Variants in L3MBTL3 observed in about 807,000 individuals in gnomAD.
L3MBTL3 encodes the protein L3MBTL histone methyl-lysine binding protein 3, also known as lethal(3)malignant brain tumor-like protein 3.
Under a neutral mutation model 102.3 loss-of-function variants are expected in L3MBTL3, and 27 were observed. The observed-to-expected ratio is 0.26, with a 90% confidence interval of 0.19 to 0.36. The LOEUF (loss-of-function observed/expected upper bound fraction) is 0.36, where lower values mean the gene tolerates loss of function less well. Among genes scored for constraint, L3MBTL3 ranks in the 10% least tolerant of loss-of-function variants. The pLI is 1.00. For synonymous variants in L3MBTL3, 340 were observed against 320.9 expected (o/e 1.06, Z -0.64); for missense variants, 798 against 955.3 (o/e 0.84, Z 2.17).
At chr6:130,114,229 C>A (rs776421096) in intron 19 of L3MBTL3, among the ~76,000 whole-genome samples, 1 of 152,108 alleles carries the variant, frequency 6.6e-6, no homozygotes, top group Non-Finnish European at 1.5e-5. Flanking sequence ...TGATGCCAAC[C>A]ACTGTGACAC....
intron 18 of L3MBTL3, among the ~76,000 whole-genome samples, chr6:130,101,951 C>A (rs779252694): frequency 6.6e-6 from 1 of 152,126 alleles, no homozygotes; most frequent in Admixed American, 6.5e-5. Context: ...CATGGCGATG[C>A]GTGAAATAGT....
intron 17 of L3MBTL3, among the ~76,000 whole-genome samples, chr6:130,093,855 A>G (rs1233167697): frequency 6.6e-6 from 1 of 152,212 alleles, no homozygotes; most frequent in Middle Eastern, 3.2e-3. Flanking sequence ...GGGATCTGGA[A>G]CTGTCATTCT....
chr6:130,037,294 A>G (rs1311647710), intron 2 of L3MBTL3, among the ~76,000 whole-genome samples: 2 of 152,190 alleles, frequency 1.3e-5, no homozygotes, highest in Non-Finnish European at 2.9e-5. Flanking sequence ...TACTTGCCAA[A>G]GAAAATAATG....
intron 20 of L3MBTL3, among the ~76,000 whole-genome samples, chr6:130,121,659 C>G (rs1786218417): frequency 6.6e-6 from 1 of 151,734 alleles, no homozygotes; most frequent in Admixed American, 6.6e-5. Context: ...GTTTAAAACG[C>G]AATTCAGAAT....
chr6:130,055,835 C>T (rs1584336347), intron 8 of L3MBTL3, among the ~76,000 whole-genome samples: 2 of 151,444 alleles, frequency 1.3e-5, no homozygotes, highest in Non-Finnish European at 1.5e-5. Flanking sequence ...GAGCTCCTGG[C>T]GTGGAACCTG....
chr6:130,085,305 C>T (rs967487874), intron 15 of L3MBTL3, among the ~76,000 whole-genome samples: 4 of 152,140 alleles, frequency 2.6e-5, no homozygotes, highest in African/African-American at 9.7e-5. Context: ...ATTCCCCCAA[C>T]CCATTCCTGG....
chr6:130,121,860 A>G (rs376458792), intron 20 of L3MBTL3, among the ~76,000 whole-genome samples: 91 of 152,328 alleles, frequency 6.0e-4, no homozygotes, highest in Middle Eastern at 3.4e-3. Flanking sequence ...AGCCTGGCCA[A>G]CACGGTGAAA....
In L3MBTL3 at chr6:130,059,732, A is replaced by T. The variant is rs9388770; in HGVS notation, c.760-304A>T. ...GTGTTGTCAAACTTTTTGATCTTTA[A>T]CAGCCTGATAGGTGAAACATATCTT... is the stretch of plus-strand genomic sequence containing the variant. On this transcript the variant is annotated intron_variant, in intron 9 of 22. Transcript: ENST00000361794. Among the ~76,000 whole-genome samples, 83,653 of 152,028 alleles carry T rather than the reference A, an allele frequency of 0.55. 25,853 individuals are homozygous for T. The highest frequency in any genetic ancestry group is 0.76 in the East Asian group (3,933 of 5,168).
At chr6:130,113,224 T>G (rs895678058) in intron 19 of L3MBTL3, among the ~76,000 whole-genome samples, 1 of 152,170 alleles carries the variant, frequency 6.6e-6, no homozygotes, top group African/African-American at 2.4e-5. Context: ...ATTCAGGAAA[T>G]GGAATTCTTG....
In L3MBTL3 at chr6:130,139,736, T is replaced by C. The variant is rs1408980430; in HGVS notation, c.2326T>C (p.Ser776Pro). ...ILMFKAAEKN[S>P]HNEL ...GATGTTCAAAGCTGCAGAGAAGAAT[T>C]CTCACAATGAACTTTGAAGATGGTG... Residue 776 changes from serine (S) to proline (P), a missense_variant, in exon 23 of 23, where the codon TCT becomes CCT. Ser to Pro is a moderately conservative substitution (Grantham distance 74). Coordinates refer to ENST00000361794, the MANE Select transcript of L3MBTL3 (RefSeq NM_032438.4). The C allele has an allele frequency of 1.9e-6, 3 of 1,613,290 alleles. No individual in the cohort carries two copies. Among genetic ancestry groups the C allele is most frequent in the Non-Finnish European group, 2.5e-6 (3 of 1,179,702 alleles).
At chr6:130,067,607 A>G (rs1355161647) in intron 11 of L3MBTL3, among the ~76,000 whole-genome samples, 1 of 152,238 alleles carries the variant, frequency 6.6e-6, no homozygotes, top group Non-Finnish European at 1.5e-5. Flanking sequence ...ACAAAATAGC[A>G]TAGAAAAAGT....
intron 8 of L3MBTL3, among the ~76,000 whole-genome samples, chr6:130,055,522 G>GCCTCTCTC (rs1562270778): frequency 1.7e-4 from 7 of 41,020 alleles, no homozygotes; most frequent in East Asian, 7.4e-4. Context: ...CTCTCTCCCT[G>GCCTCTCTC]CCTCTCTCCC....
chr6:130,057,555 G>T, intron 9 of L3MBTL3, 58 bp downstream of exon 9: 1 of 1,290,802 alleles, frequency 7.7e-7, no homozygotes, highest in Non-Finnish European at 1.1e-6. Context: ...ATACCAGCCT[G>T]AATTACGATT....
chr6:130,044,942 A>G (rs1780635787), intron 3 of L3MBTL3, among the ~76,000 whole-genome samples: 1 of 152,148 alleles, frequency 6.6e-6, no homozygotes, highest in Non-Finnish European at 1.5e-5. Context: ...TCTATGTTTC[A>G]GTGGGTAGAG....
chr6:130,116,574 G>C (rs775480983), intron 19 of L3MBTL3, among the ~76,000 whole-genome samples: 4 of 152,088 alleles, frequency 2.6e-5, no homozygotes, highest in Non-Finnish European at 5.9e-5. Flanking sequence ...GCAACATAGT[G>C]ACACGCTGTT....
In L3MBTL3 at chr6:130,141,319, A is replaced by G. The variant is rs1192699451; in HGVS notation, c.*1566A>G. 1 of 152,236 alleles carries G rather than the reference A, an allele frequency of 6.6e-6. No homozygotes were observed. The highest frequency in any genetic ancestry group is 1.5e-5 in the Non-Finnish European group (1 of 68,050). 9.4% of individuals were successfully genotyped at this position (152,236 alleles called of 1,614,324 possible). On this transcript the variant is annotated 3_prime_UTR_variant, in exon 23 of 23. Coordinates refer to ENST00000361794, the MANE Select transcript of L3MBTL3 (RefSeq NM_032438.4). ...TGCAGTGTCCCAGTCATTTATTTGC[A>G]TGAATCTGCTTAAATAAGTTTTTTG...
Position 130,053,003 on chromosome 6 carries a change from TGCCTGACA to T in L3MBTL3, c.582+13_582+20del. 1.3e-6 allele frequency: 2 copies of T among 1,596,520 alleles called. No individual in the cohort carries two copies. Among genetic ancestry groups the T allele is most frequent in the African/African-American group, 2.7e-5 (2 of 74,880 alleles). ...GAGATGATGAAATGGTGAGTGCCTC[TGCCTGACA>T]CCAGGAGCACAGGGATGCATCTTTA... is the stretch of plus-strand genomic sequence containing the variant. On this transcript the variant is annotated intron_variant, in intron 7 of 22. Transcript: ENST00000361794.
chr6:130,105,944 A>G (rs1314014886), intron 19 of L3MBTL3, among the ~76,000 whole-genome samples: 3 of 152,182 alleles, frequency 2.0e-5, no homozygotes, highest in Non-Finnish European at 4.4e-5. Flanking sequence ...GTAAATCCAT[A>G]TAAGAGTAGA....
At chr6:130,047,148 C>T (rs796202410) in intron 3 of L3MBTL3, among the ~76,000 whole-genome samples, 1 of 151,856 alleles carries the variant, frequency 6.6e-6, no homozygotes, top group Admixed American at 6.6e-5. Context: ...AACTATGAAT[C>T]TTGTCCCCAG....
Sources: gnomAD v4.1 joint callset for allele counts (sites outside exome capture counted in the v4.1 genomes callset) on GRCh38, gnomAD v4.1.1 for gene constraint, MANE v1.5 for transcripts, NCBI Gene and HGNC (gene_info 2026-07-23, HGNC 2026-07-21) for gene names.